The following PAX5 variants were observed in gnomAD, a reference collection of about 807,000 sequenced individuals.
PAX5 encodes the protein paired box protein Pax-5.
A neutral mutation model predicts 43.7 loss-of-function variants in PAX5; 9 were observed. That is an observed-to-expected ratio of 0.21 (90% CI 0.12 to 0.36). The LOEUF (loss-of-function observed/expected upper bound fraction) is 0.36. PAX5 is among the 10% of genes least tolerant of loss of function. PAX5 has a pLI of 1.00. For synonymous variants in PAX5, 228 were observed against 214.3 expected (o/e 1.06, Z -0.56); for missense variants, 383 against 532.7 (o/e 0.72, Z 2.77).
intron 8 of PAX5, among the ~76,000 whole-genome samples, chr9:36,854,687 C>T (rs1823487699): frequency 6.6e-6 from 1 of 152,150 alleles, no homozygotes; most frequent in Non-Finnish European, 1.5e-5. Flanking sequence ...CCTGGGCTCC[C>T]AACAGGGAGA....
rs975489812 is a variant in PAX5, at chr9:36,916,967, G to A, written c.910+6388C>T. ...CCCAAAATGCTGGGATTACAGGCGC[G>A]AGCCACTGCACCCAGCTCTTTTATT... On this transcript the variant is annotated intron_variant, in intron 7 of 9. Coordinates refer to ENST00000358127, the MANE Select transcript of PAX5 (RefSeq NM_016734.3). Among the ~76,000 whole-genome samples, 6 of 152,074 alleles carry A rather than the reference G, an allele frequency of 3.9e-5. 1 individual carries two copies. Among genetic ancestry groups the A allele is most frequent in the African/African-American group, 7.2e-5 (3 of 41,416 alleles).
At chr9:36,871,629 T>C (rs1209139081) in intron 8 of PAX5, among the ~76,000 whole-genome samples, 3 of 152,234 alleles carry the variant, frequency 2.0e-5, no homozygotes, top group Non-Finnish European at 4.4e-5. Flanking sequence ...ACACCATTAG[T>C]AGAAGGACAT....
intron 8 of PAX5, among the ~76,000 whole-genome samples, chr9:36,849,089 T>A (rs1174301734): frequency 6.6e-6 from 1 of 152,234 alleles, no homozygotes. Flanking sequence ...TCTGCAGCAC[T>A]GGCTTTGCCC....
At chr9:36,981,291 C>T (rs1435733245) in intron 5 of PAX5, among the ~76,000 whole-genome samples, 1 of 150,282 alleles carries the variant, frequency 6.7e-6, no homozygotes, top group Non-Finnish European at 1.5e-5. Flanking sequence ...TAGTTATTGT[C>T]TTTCTTCCTT....
rs377702747 is a variant in PAX5 at position 36,834,304 on chromosome 9, G to A, written c.*6256C>T. On this transcript the variant is annotated 3_prime_UTR_variant, in exon 10 of 10. Transcript: ENST00000358127. ...CTGAGCCCCGGGACAGGCTGCTGCCGGGTCTGCTCACCTTCTCTGACCCAA... is the reference window on the plus strand; with the variant it reads ...CTGAGCCCCGGGACAGGCTGCTGCCAGGTCTGCTCACCTTCTCTGACCCAA... 70 of 233,352 alleles carry A rather than the reference G, an allele frequency of 3.0e-4. 1 individual carries two copies. The South Asian group carries it at 9.4e-3, about 31-fold the overall frequency. The allele number at this position is 233,352 out of a possible 1,614,324, so 14.5% of individuals were successfully genotyped here. A position where few individuals can be genotyped will look rare whatever the true frequency, so the allele number is the denominator to read the frequency against.
At chr9:36,930,930 C>A (rs1324000131) in intron 6 of PAX5, 2 of 951,658 alleles carry the variant, frequency 2.1e-6, no homozygotes, top group Non-Finnish European at 3.0e-6. Flanking sequence ...ATTGTCTCAT[C>A]AGCACGGGGC....
chr9:36,866,465 TAAGAG>T (rs904035610), intron 8 of PAX5, among the ~76,000 whole-genome samples: 2 of 152,262 alleles, frequency 1.3e-5, no homozygotes, highest in African/African-American at 4.8e-5. Flanking sequence ...GCCTGAGACT[TAAGAG>T]AAGATGTTTT....
At chr9:37,029,541 G>A (rs1377382112) in intron 1 of PAX5, among the ~76,000 whole-genome samples, 8 of 152,230 alleles carry the variant, frequency 5.3e-5, no homozygotes, top group Non-Finnish European at 1.2e-4. Flanking sequence ...CCCGGCCTTG[G>A]AGCAGGAAGA....
chr9:36,867,059 GT>G lies in PAX5; in HGVS notation c.1012+14944del, dbSNP rs1339387624. The stretch of plus-strand genomic sequence containing the variant: ...CCTACAAAATGTCCTGGATGGGGTG[GT>G]GGGGGGGGGGCCTTGGTTGGTCTCC... On this transcript the variant is annotated intron_variant, in intron 8 of 9. Coordinates refer to ENST00000358127, the MANE Select transcript of PAX5 (RefSeq NM_016734.3). Among the ~76,000 whole-genome samples the G allele has an allele frequency of 1.2e-3, 86 of 70,794 alleles. 1 individual carries two copies. Among genetic ancestry groups the G allele is most frequent in the East Asian group, 3.5e-3 (11 of 3,124 alleles). 46.4% of individuals were successfully genotyped at this position (70,794 alleles called of 152,430 possible).
chr9:36,942,987 G>A (rs1049749121), intron 6 of PAX5, among the ~76,000 whole-genome samples: 2 of 152,116 alleles, frequency 1.3e-5, no homozygotes, highest in Non-Finnish European at 2.9e-5. Context: ...TTGTCTTCCC[G>A]CTCTCCTTCT....
intron 5 of PAX5, among the ~76,000 whole-genome samples, chr9:36,972,191 C>A (rs1035883019): frequency 6.6e-6 from 1 of 152,244 alleles, no homozygotes; most frequent in East Asian, 1.9e-4. Context: ...TTCTCAGAGT[C>A]CAGTTTCTCT....
At position 36,836,815 on chromosome 9, in the gene PAX5, C is replaced by T. The variant is rs943251436; in HGVS notation, c.*3745G>A. The stretch of plus-strand genomic sequence containing the variant: ...AGTGGGGGACAGCACATGACCTTGG[C>T]ACCTGGACCCCTGGAGTCAGGGCTG... On this transcript the variant is annotated 3_prime_UTR_variant, in exon 10 of 10. Transcript: ENST00000358127. 8.6e-6 allele frequency: 2 copies of T among 232,044 alleles called. No homozygotes were observed. Among genetic ancestry groups the T allele is most frequent in the African/African-American group, 4.4e-5 (2 of 45,262 alleles). The allele number at this position is 232,044 out of a possible 1,614,324, so 14.4% of individuals were successfully genotyped here.
chr9:37,009,964 C>G (rs1838790102), intron 3 of PAX5, among the ~76,000 whole-genome samples: 1 of 152,152 alleles, frequency 6.6e-6, no homozygotes, highest in Admixed American at 6.5e-5. Flanking sequence ...GAGTTATAGG[C>G]AAGCCTCTGA....
chr9:36,953,149 C>G (rs1484134691), intron 6 of PAX5, among the ~76,000 whole-genome samples: 1 of 152,122 alleles, frequency 6.6e-6, no homozygotes. Context: ...TCTTTCAACA[C>G]TTTTAATATG....
chr9:36,879,221 C>T (rs1432626925), intron 8 of PAX5, among the ~76,000 whole-genome samples: 1 of 152,234 alleles, frequency 6.6e-6, no homozygotes, highest in African/African-American at 2.4e-5. Context: ...GGCAAAGAGT[C>T]GCCATCCATT....
intron 6 of PAX5, among the ~76,000 whole-genome samples, chr9:36,940,961 C>A (rs1832000128): frequency 6.6e-6 from 1 of 152,158 alleles, no homozygotes; most frequent in South Asian, 2.1e-4. Context: ...GTGGGAGAGA[C>A]AGAGGCCCAG....
rs573957219 is a variant in PAX5, at chr9:36,839,258, C to A, written c.*1302G>T. On this transcript the variant is annotated 3_prime_UTR_variant, in exon 10 of 10. Coordinates refer to ENST00000358127, the MANE Select transcript of PAX5 (RefSeq NM_016734.3). ...TGACCACCCTAGCCCACAGTGAGTTCTCCAAGCTCCCTCTCCAAGTTCCCG... is the reference window on the plus strand; with the variant it reads ...TGACCACCCTAGCCCACAGTGAGTTATCCAAGCTCCCTCTCCAAGTTCCCG... 8 of 233,602 alleles carry A rather than the reference C, an allele frequency of 3.4e-5. No homozygotes were observed. Among genetic ancestry groups the A allele is most frequent in the African/African-American group, 1.5e-4 (7 of 45,500 alleles). The allele number at this position is 233,602 out of a possible 1,614,324, so 14.5% of individuals were successfully genotyped here. A position where few individuals can be genotyped will look rare whatever the true frequency, so the allele number is the denominator to read the frequency against.
At chr9:36,998,796 C>CA (rs1837613161) in intron 5 of PAX5, among the ~76,000 whole-genome samples, 1 of 152,182 alleles carries the variant, frequency 6.6e-6, no homozygotes, top group Non-Finnish European at 1.5e-5. Flanking sequence ...GTAAAATACA[C>CA]ACCAGATTTC....
chr9:36,903,290 G>A (rs898423347), intron 7 of PAX5, among the ~76,000 whole-genome samples: 1 of 152,256 alleles, frequency 6.6e-6, no homozygotes, highest in Non-Finnish European at 1.5e-5. Flanking sequence ...GGCTACTCAG[G>A]AGGCTGAGGT....
Sources: allele counts gnomAD v4.1 joint callset (sites outside exome capture counted in the v4.1 genomes callset), GRCh38; gene constraint gnomAD v4.1.1; transcripts MANE v1.5; gene names NCBI Gene and HGNC (gene_info 2026-07-23, HGNC 2026-07-21).